The following PKIB variants were observed in gnomAD, a reference collection of about 807,000 sequenced individuals.
PKIB encodes PKI-beta.
In PKIB, 2 loss-of-function variants were observed where a neutral mutation model predicts 4.5. The observed-to-expected ratio is 0.44, with a 90% CI of 0.18 to 1.39. The LOEUF (loss-of-function observed/expected upper bound fraction) is 1.39. Among genes scored for constraint, PKIB ranks in the 40% most tolerant of loss-of-function variants. The probability of loss-of-function intolerance (pLI) is 0.27; values close to 1 mark genes in which losing one functional copy is unlikely to be tolerated. For missense variants in PKIB, 94 were observed against 92.6 expected (o/e 1.02, Z -0.06); for synonymous variants, 38 against 36.0 (o/e 1.06, Z -0.20).
chr6:122,477,311 A>T (rs1038526621), intron 1 of PKIB, among the ~76,000 whole-genome samples: 2 of 152,152 alleles, frequency 1.3e-5, no homozygotes, highest in African/African-American at 4.8e-5. Context: ...CAAGGAAGCA[A>T]TCATATTTTT....
intron 1 of PKIB, among the ~76,000 whole-genome samples, chr6:122,473,124 A>T (rs907569294): frequency 4.6e-5 from 7 of 152,220 alleles, no homozygotes; most frequent in Non-Finnish European, 1.0e-4. Context: ...AAAAAAGAAT[A>T]GTGGAAATGG....
intron 2 of PKIB, among the ~76,000 whole-genome samples, chr6:122,559,103 G>C (rs1772940117): frequency 6.6e-6 from 1 of 151,936 alleles, no homozygotes; most frequent in Non-Finnish European, 1.5e-5. Context: ...TGGCTGCATA[G>C]TATTCCATCA....
At chr6:122,561,451 G>C (rs1773008529) in intron 2 of PKIB, among the ~76,000 whole-genome samples, 1 of 151,806 alleles carries the variant, frequency 6.6e-6, no homozygotes, top group African/African-American at 2.4e-5. Context: ...ATTTATTGAG[G>C]CTCATTTTTG....
chr6:122,527,974 G>T (rs1286173577), intron 2 of PKIB, among the ~76,000 whole-genome samples: 1 of 152,074 alleles, frequency 6.6e-6, no homozygotes, highest in Non-Finnish European at 1.5e-5. Flanking sequence ...AAGTATTGAA[G>T]TCTCCTACTA....
Position 122,482,422 on chromosome 6 carries a change from T to C in PKIB, c.-248+4483T>C, listed in dbSNP as rs370573343. 56 of 152,342 alleles carry C rather than the reference T, an allele frequency of 3.7e-4. 1 individual carries two copies. Among genetic ancestry groups the C allele is most frequent in the African/African-American group, 1.3e-3 (56 of 41,576 alleles). 9.4% of individuals were successfully genotyped at this position (152,342 alleles called of 1,614,324 possible). A position where few individuals can be genotyped will look rare whatever the true frequency, so the allele number is the denominator to read the frequency against. On this transcript the variant is annotated intron_variant, in intron 2 of 6. Transcript: ENST00000392491. ...AGGGCATATATAGGACAGCTTTTTC[T>C]AGTGCTTGCACAGTAGCTCAACATG... is the stretch of plus-strand genomic sequence containing the variant.
chr6:122,713,145 T>C (rs9490532), intron 3 of PKIB, among the ~76,000 whole-genome samples: 44,455 of 151,884 alleles, frequency 0.29, 7,436 homozygotes, highest in African/African-American at 0.43. Flanking sequence ...CTGAAAATTG[T>C]ATATTTTCAA....
intron 1 of PKIB, among the ~76,000 whole-genome samples, chr6:122,472,928 T>C (rs575592564): frequency 6.6e-6 from 1 of 152,242 alleles, no homozygotes; most frequent in African/African-American, 2.4e-5. Flanking sequence ...CTGGCCAGCA[T>C]GGTGAAACCC....
At chr6:122,524,844 GT>G (rs1383738757) in intron 2 of PKIB, among the ~76,000 whole-genome samples, 1 of 151,200 alleles carries the variant, frequency 6.6e-6, no homozygotes, top group Non-Finnish European at 1.5e-5. Flanking sequence ...TCTGATTTTA[GT>G]TGTCTTTCTT....
chr6:122,597,128 C>T (rs1297047641), intron 3 of PKIB, among the ~76,000 whole-genome samples: 1 of 152,172 alleles, frequency 6.6e-6, no homozygotes. Context: ...TATTTCTCAT[C>T]CTCTGGCATG....
intron 2 of PKIB, among the ~76,000 whole-genome samples, chr6:122,655,658 A>G (rs1242102867): frequency 6.6e-6 from 1 of 152,230 alleles, no homozygotes; most frequent in African/African-American, 2.4e-5. Context: ...ACAGTCTAGT[A>G]GAGAAGACAG....
rs533553939 is a variant in PKIB, at chr6:122,553,481, C to CTTTTTTTTTTTTTTTTTTTTTTTTTT, written c.-247-32418_-247-32417insTTTTTTTTTTTTTTTTTTTTTTTTTT. Reference sequence around the variant, plus strand: ...TCTCTCAAGATTGCTCAAATATCTTCTTTTTTTTTTTTTTTTTTTTTTCTG... The same window carrying CTTTTTTTTTTTTTTTTTTTTTTTTTT: ...TCTCTCAAGATTGCTCAAATATCTTCTTTTTTTTTTTTTTTTTTTTTTTTTTTTTTTTTTTTTTTTTTTTTTTTCTG... On this transcript the variant is annotated intron_variant, in intron 2 of 6. Coordinates refer to the PKIB transcript ENST00000392491. Among the ~76,000 whole-genome samples, 17 of 65,818 alleles carry CTTTTTTTTTTTTTTTTTTTTTTTTTT rather than the reference C, an allele frequency of 2.6e-4. 4 individuals are homozygous for CTTTTTTTTTTTTTTTTTTTTTTTTTT. The highest frequency in any genetic ancestry group is 6.7e-4 in the South Asian group (1 of 1,500). 43.2% of individuals were successfully genotyped at this position (65,818 alleles called of 152,430 possible). A position where few individuals can be genotyped will look rare whatever the true frequency, so the allele number is the denominator to read the frequency against.
intron 2 of PKIB, among the ~76,000 whole-genome samples, chr6:122,544,630 A>G (rs1257691501): frequency 6.6e-6 from 1 of 152,080 alleles, no homozygotes; most frequent in Non-Finnish European, 1.5e-5. Context: ...GATTTCCCAT[A>G]TAAAAAATTA....
intron 3 of PKIB, among the ~76,000 whole-genome samples, chr6:122,587,247 A>T (rs9490486): frequency 2.0e-5 from 3 of 151,756 alleles, no homozygotes; most frequent in African/African-American, 7.3e-5. Context: ...TCATTGTTCA[A>T]TTCCCACCTA....
intron 2 of PKIB, among the ~76,000 whole-genome samples, chr6:122,531,677 T>G (rs973779462): frequency 6.6e-6 from 1 of 152,174 alleles, no homozygotes; most frequent in Admixed American, 6.5e-5. Context: ...CACCTTTCAC[T>G]TCTGGTAAGG....
At chr6:122,532,512 G>A (rs900272943) in intron 2 of PKIB, among the ~76,000 whole-genome samples, 1 of 152,118 alleles carries the variant, frequency 6.6e-6, no homozygotes, top group African/African-American at 2.4e-5. Context: ...TCATTAAAGA[G>A]TAACTCCTCA....
In PKIB at chr6:122,717,897, A is replaced by C; in HGVS notation, c.103A>C (p.Ser35Arg). Residue 35 changes from serine (S) to arginine (R), a missense_variant, in exon 4 of 5, where the codon AGT (serine) becomes CGT (arginine). Coordinates refer to ENST00000368452, the MANE Select transcript of PKIB (RefSeq NM_181795.3). Reference sequence around the variant, plus strand: ...CCGGAATGCCTTACCAGACATCCAGAGTTCAGCTGCCACAGACGGAACCTC... The same window carrying C: ...CCGGAATGCCTTACCAGACATCCAGCGTTCAGCTGCCACAGACGGAACCTC... ...GRRNALPDIQSSAATDGTSDL... is the reference protein window; with the variant it reads ...GRRNALPDIQRSAATDGTSDL... The C allele has an allele frequency of 6.2e-7, 1 of 1,614,116 alleles. No homozygotes were observed. Among genetic ancestry groups the C allele is most frequent in the Non-Finnish European group, 8.5e-7 (1 of 1,179,988 alleles).
intron 2 of PKIB, among the ~76,000 whole-genome samples, chr6:122,541,457 G>T (rs1277490450): frequency 6.6e-6 from 1 of 151,848 alleles, no homozygotes; most frequent in East Asian, 1.9e-4. Context: ...AGTTTGGCTG[G>T]ATATGAAATT....
chr6:122,700,050 A>T (rs1778735994), intron 3 of PKIB, among the ~76,000 whole-genome samples: 1 of 152,128 alleles, frequency 6.6e-6, no homozygotes, highest in Non-Finnish European at 1.5e-5. Flanking sequence ...GTTAATTAAG[A>T]ACCTATACTG....
At chr6:122,515,699 A>G (rs2114589446) in intron 2 of PKIB, among the ~76,000 whole-genome samples, 1 of 152,222 alleles carries the variant, frequency 6.6e-6, no homozygotes, top group Admixed American at 6.5e-5. Flanking sequence ...ATATTAGTAA[A>G]CTATTTCTTC....
Sources: gnomAD v4.1 joint callset for allele counts (sites outside exome capture counted in the v4.1 genomes callset) on GRCh38, gnomAD v4.1.1 for gene constraint, MANE v1.5 for transcripts, NCBI Gene and HGNC (gene_info 2026-07-23, HGNC 2026-07-21) for gene names.